Variants in FHAD1 observed in about 807,000 individuals in gnomAD.
FHAD1 encodes the protein forkhead-associated domain-containing protein 1.
Under a neutral mutation model 191.3 loss-of-function variants are expected in FHAD1, and 146 were observed. That is an observed-to-expected ratio of 0.76 (90% confidence interval 0.67 to 0.88). FHAD1 has a LOEUF of 0.88. FHAD1 is among the 40% of genes least tolerant of loss of function. FHAD1 has a pLI of 0.00. For synonymous variants in FHAD1, 616 were observed against 672.3 expected (o/e 0.92, Z 1.29); for missense variants, 1,635 against 1,785.8 (o/e 0.92, Z 1.52).
At position 15,272,426 on chromosome 1, in the gene FHAD1, A is replaced by T; in HGVS notation, c.197A>T (p.Glu66Val). ...TCCCGCAACGGCACGTTTGTCAACG[A>T]GTGCCACATTCAAAACGTGGCTGTG... ...FNSRNGTFVN[E>V]CHIQNVAVKL... The change falls in exon 3 of 34, where the codon GAG becomes GTG. Residue 66 changes from glutamate (E) to valine (V), a missense_variant. Coordinates refer to ENST00000688493, the MANE Select transcript of FHAD1 (RefSeq NM_001391957.1). 6.4e-7 allele frequency: 1 copy of T among 1,551,728 alleles called. No homozygotes were observed. Among genetic ancestry groups the T allele is most frequent in the Non-Finnish European group, 8.7e-7 (1 of 1,147,008 alleles).
In FHAD1 at chr1:15,278,475, C is replaced by CTTTT. The variant is rs34110532; in HGVS notation, c.300+5959_300+5962dup. ...ACGCTTTGAACAGTCTTCATTACCT[C>CTTTT]TTTTTTTTTTTTTTTTGAGACGGAG... On this transcript the variant is annotated intron_variant, in intron 3 of 33. Coordinates refer to ENST00000688493, the MANE Select transcript of FHAD1 (RefSeq NM_001391957.1). Among the ~76,000 whole-genome samples, 839 of 124,314 alleles carry CTTTT rather than the reference C, an allele frequency of 6.7e-3. 35 individuals are homozygous for CTTTT. The highest frequency in any genetic ancestry group is 0.025 in the African/African-American group (780 of 30,740). The allele number at this position is 124,314 out of a possible 152,430, so 81.6% of individuals were successfully genotyped here.
chr1:15,298,065 A>G (rs1667507779), intron 5 of FHAD1, among the ~76,000 whole-genome samples: 1 of 152,230 alleles, frequency 6.6e-6, no homozygotes, highest in Non-Finnish European at 1.5e-5. Context: ...TATTCAAAAA[A>G]GATACTTGCA....
intron 14 of FHAD1, among the ~76,000 whole-genome samples, chr1:15,330,383 G>GT (rs1486654870): frequency 6.6e-6 from 1 of 152,176 alleles, no homozygotes; most frequent in African/African-American, 2.4e-5. Context: ...GGGCAGAGAC[G>GT]TAACGGGGTC....
At chr1:15,324,699 A>G (rs2101703250) in intron 11 of FHAD1, 140 bp downstream of exon 11, 1 of 665,498 alleles carries the variant, frequency 1.5e-6, no homozygotes, top group Non-Finnish European at 2.7e-6. Context: ...TCATGAGCAG[A>G]GGCTGTCTGC....
chr1:15,370,259 G>T (rs1697690949), intron 26 of FHAD1, among the ~76,000 whole-genome samples: 1 of 152,206 alleles, frequency 6.6e-6, no homozygotes, highest in Non-Finnish European at 1.5e-5. Flanking sequence ...TTACAAGTGT[G>T]AGCCACCACG....
chr1:15,303,051 G>A (rs540547520), intron 6 of FHAD1, among the ~76,000 whole-genome samples: 4 of 152,244 alleles, frequency 2.6e-5, no homozygotes, highest in South Asian at 2.1e-4. Flanking sequence ...CCACTCATTC[G>A]TTCATTCAAA....
chr1:15,246,235 T>TC (rs1246859187), upstream of FHAD1, among the ~76,000 whole-genome samples: 11 of 152,072 alleles, frequency 7.2e-5, no homozygotes, highest in African/African-American at 2.7e-4. Flanking sequence ...AAGCGGGAAG[T>TC]CTGCCCCCAT....
intron 2 of FHAD1, among the ~76,000 whole-genome samples, chr1:15,264,390 A>G (rs1358594872): frequency 1.3e-5 from 2 of 151,916 alleles, no homozygotes; most frequent in African/African-American, 4.8e-5. Flanking sequence ...CTTCTTTTTG[A>G]TGCTATTGTA....
At chr1:15,258,466 G>A (rs1649359664) in intron 2 of FHAD1, among the ~76,000 whole-genome samples, 1 of 152,140 alleles carries the variant, frequency 6.6e-6, no homozygotes, top group Admixed American at 6.5e-5. Flanking sequence ...GCTGCTGCAT[G>A]TCTGTCCTAC....
chr1:15,245,924 C>T (rs1645973843), upstream of FHAD1, among the ~76,000 whole-genome samples: 1 of 152,210 alleles, frequency 6.6e-6, no homozygotes, highest in East Asian at 1.9e-4. Flanking sequence ...AATCGATGTC[C>T]ATGATTTCTC....
upstream of FHAD1, among the ~76,000 whole-genome samples, chr1:15,243,520 T>G (rs1275583581): frequency 6.6e-6 from 1 of 152,234 alleles, no homozygotes; most frequent in Non-Finnish European, 1.5e-5. Flanking sequence ...CATGTTGGAA[T>G]GCAAGGGCAG....
At chr1:15,288,450 G>T (rs1266202961) in intron 3 of FHAD1, among the ~76,000 whole-genome samples, 1 of 152,262 alleles carries the variant, frequency 6.6e-6, no homozygotes, top group African/African-American at 2.4e-5. Context: ...CTGTGCTGGT[G>T]TGGAAAAGCA....
intron 7 of FHAD1, 45 bp downstream of exon 7, chr1:15,308,781 G>C: frequency 1.3e-6 from 2 of 1,549,770 alleles, no homozygotes; most frequent in Middle Eastern, 1.7e-4. Flanking sequence ...TCCCGCACCC[G>C]TTGTTCTTGG....
At chr1:15,342,496 C>A (rs1321427410) in intron 16 of FHAD1, among the ~76,000 whole-genome samples, 3 of 152,144 alleles carry the variant, frequency 2.0e-5, no homozygotes, top group Non-Finnish European at 4.4e-5. Context: ...AGGGCGAAGG[C>A]TTAGAGGAAG....
At chr1:15,354,938 G>A (rs112001429) in intron 20 of FHAD1, among the ~76,000 whole-genome samples, 3,913 of 125,842 alleles carry the variant, frequency 0.031, 165 homozygotes, top group African/African-American at 0.097. Context: ...GCCGGGCGCA[G>A]TGACTCACGC....
chr1:15,251,783 G>A lies in FHAD1; in HGVS notation c.-2G>A, dbSNP rs919573832. The A allele has an allele frequency of 1.2e-5, 19 of 1,550,904 alleles. No homozygotes were observed. Among genetic ancestry groups the A allele is most frequent in the Non-Finnish European group, 1.6e-5 (18 of 1,146,734 alleles). ...AAACCTTATGTAGGGAAAACAGAGAGGATGAAGGCCTATCTAAAGAGCGCA... is the reference window on the plus strand; with the variant it reads ...AAACCTTATGTAGGGAAAACAGAGAAGATGAAGGCCTATCTAAAGAGCGCA... On this transcript the variant is annotated 5_prime_UTR_variant, in exon 2 of 34. Transcript: ENST00000688493.
intron 3 of FHAD1, among the ~76,000 whole-genome samples, chr1:15,282,252 G>GTC (rs1291819197): frequency 6.6e-6 from 1 of 152,156 alleles, no homozygotes; most frequent in Non-Finnish European, 1.5e-5. Context: ...TGGGCACTGG[G>GTC]TCCAGCCAGT....
chr1:15,321,094 C>G (rs1233894334), intron 10 of FHAD1, among the ~76,000 whole-genome samples: 1 of 152,134 alleles, frequency 6.6e-6, no homozygotes, highest in Non-Finnish European at 1.5e-5. Context: ...ACCACCATGC[C>G]CAGCTAAACT....
intron 1 of FHAD1, among the ~76,000 whole-genome samples, chr1:15,250,401 C>A (rs1646631528): frequency 6.6e-6 from 1 of 152,148 alleles, no homozygotes; most frequent in Non-Finnish European, 1.5e-5. Context: ...ATGGAAAGAT[C>A]TGTGATAAAG....
Sources: gnomAD v4.1 joint callset for allele counts (sites outside exome capture counted in the v4.1 genomes callset) on GRCh38, gnomAD v4.1.1 for gene constraint, MANE v1.5 for transcripts, NCBI Gene and HGNC (gene_info 2026-07-23, HGNC 2026-07-21) for gene names.